The following FBXO16 variants were observed in gnomAD, a reference collection of about 807,000 sequenced individuals.
The protein encoded by FBXO16 is F-box only protein 16.
In FBXO16, 31 loss-of-function variants were observed where a neutral mutation model predicts 41.0. That is an observed-to-expected ratio of 0.76 (90% CI 0.57 to 1.02). The LOEUF is 1.02. FBXO16 is among the 50% of genes least tolerant of loss of function. The pLI is 0.00. For missense variants in FBXO16, 361 were observed against 346.2 expected (o/e 1.04, Z -0.34); for synonymous variants, 133 against 117.8 (o/e 1.13, Z -0.84).
chr8:28,435,294 C>G (rs2130080867), intron 7 of FBXO16, among the ~76,000 whole-genome samples: 1 of 152,142 alleles, frequency 6.6e-6, no homozygotes, highest in African/African-American at 2.4e-5. Context: ...CCTCAGCCTC[C>G]CGAGTAGCTG....
intron 7 of FBXO16, among the ~76,000 whole-genome samples, chr8:28,430,691 G>C (rs1419475626): frequency 1.3e-5 from 2 of 152,114 alleles, no homozygotes; most frequent in Non-Finnish European, 1.5e-5. Flanking sequence ...CTGTTGAATG[G>C]CCAGGCGCAG....
intron 2 of FBXO16, among the ~76,000 whole-genome samples, chr8:28,478,492 T>G (rs139563317): frequency 2.2e-4 from 33 of 152,144 alleles, no homozygotes; most frequent in South Asian, 1.2e-3. Flanking sequence ...AGACAAATGT[T>G]GGGGTTTGGA....
chr8:28,459,167 T>C (rs911434539), intron 4 of FBXO16, among the ~76,000 whole-genome samples: 1 of 152,210 alleles, frequency 6.6e-6, no homozygotes, highest in Admixed American at 6.5e-5. Flanking sequence ...AGATGACCAT[T>C]ATTGACAACC....
At chr8:28,471,591 G>T (rs1306199043) in intron 3 of FBXO16, among the ~76,000 whole-genome samples, 1 of 151,864 alleles carries the variant, frequency 6.6e-6, no homozygotes, top group Non-Finnish European at 1.5e-5. Flanking sequence ...CAATTCATTG[G>T]GTTTTTGCAG....
chr8:28,478,445 C>A (rs925814460), intron 2 of FBXO16, among the ~76,000 whole-genome samples: 3 of 152,096 alleles, frequency 2.0e-5, no homozygotes, highest in African/African-American at 4.8e-5. Flanking sequence ...GTATAAAAAC[C>A]AGACCCTCTC....
intron 2 of FBXO16, among the ~76,000 whole-genome samples, chr8:28,474,595 T>C (rs775215352): frequency 9.2e-5 from 14 of 152,170 alleles, no homozygotes; most frequent in Non-Finnish European, 1.5e-4. Context: ...TTTCAGTGTA[T>C]ACACATATCA....
At chr8:28,478,576 C>T (rs1803458626) in intron 2 of FBXO16, among the ~76,000 whole-genome samples, 1 of 152,146 alleles carries the variant, frequency 6.6e-6, no homozygotes, top group Non-Finnish European at 1.5e-5. Context: ...TATAATCCAG[C>T]ACTTTGGGAG....
chr8:28,453,745 G>A lies in FBXO16; in HGVS notation c.508-1269C>T, dbSNP rs116776671. On this transcript the variant is annotated intron_variant, in intron 5 of 8. Coordinates refer to ENST00000380254, the MANE Select transcript of FBXO16 (RefSeq NM_172366.4). ...GTATACAATTCTATTACAGGATAACGCTTAGTACTCAGTGTTGTAATTATT... is the reference window on the plus strand; with the variant it reads ...GTATACAATTCTATTACAGGATAACACTTAGTACTCAGTGTTGTAATTATT... Among the ~76,000 whole-genome samples the A allele has an allele frequency of 9.7e-3, 1,472 of 151,950 alleles. 58 individuals are homozygous for A. Among genetic ancestry groups the A allele is most frequent in the African/African-American group, 0.033 (1,374 of 41,240 alleles).
chr8:28,436,594 A>G (rs1168023666), intron 7 of FBXO16, among the ~76,000 whole-genome samples: 1 of 152,208 alleles, frequency 6.6e-6, no homozygotes, highest in Non-Finnish European at 1.5e-5. Context: ...TGAAATAGGT[A>G]GGGATGGTGC....
At chr8:28,446,992 TTAAA>T (rs1339280643) in intron 7 of FBXO16, 175 bp downstream of exon 7, 25 of 549,544 alleles carry the variant, frequency 4.5e-5, no homozygotes, top group Non-Finnish European at 7.3e-5. Context: ...CTCAGAGAGA[TTAAA>T]TAAAGTGTAT....
Position 28,452,331 on chromosome 8 carries a change from G to A in FBXO16, c.653C>T (p.Pro218Leu), listed in dbSNP as rs1179027749. 2 of 1,614,176 alleles carry A rather than the reference G, an allele frequency of 1.2e-6. No individual in the cohort carries two copies. The highest frequency in any genetic ancestry group is 2.2e-5 in the South Asian group (2 of 91,078). The change falls in exon 6 of 9, where the codon CCC becomes CTC. Residue 218 changes from proline to leucine, a missense_variant. Pro to Leu is a moderately conservative substitution (Grantham distance 98, BLOSUM62 -3). Coordinates refer to ENST00000380254, the MANE Select transcript of FBXO16 (RefSeq NM_172366.4). ...KNNSGEKALPPWRSSDKHPTD... is the reference protein window; with the variant it reads ...KNNSGEKALPLWRSSDKHPTD... ...TGGGTGCTTATCAGAAGATCGCCAG[G>A]GTGGAAGTGCTTTCTCCCCTGAGTT... is the stretch of plus-strand genomic sequence containing the variant.
intron 3 of FBXO16, among the ~76,000 whole-genome samples, chr8:28,469,133 A>G (rs1563367411): frequency 6.6e-6 from 1 of 151,454 alleles, no homozygotes; most frequent in Non-Finnish European, 1.5e-5. Context: ...ACATGGAGAA[A>G]CCCCATCTCT....
intron 7 of FBXO16, among the ~76,000 whole-genome samples, chr8:28,442,692 A>G (rs901099120): frequency 6.6e-6 from 1 of 151,998 alleles, no homozygotes; most frequent in South Asian, 2.1e-4. Flanking sequence ...CCCATCTTTC[A>G]TCAATCATTC....
At chr8:28,452,932 G>GAAAT (rs1563362482) in intron 5 of FBXO16, among the ~76,000 whole-genome samples, 14 of 151,224 alleles carry the variant, frequency 9.3e-5, no homozygotes, top group African/African-American at 3.4e-4. Context: ...AGAAAAAAAG[G>GAAAT]AATATCATCA....
At position 28,452,303 on chromosome 8, in the gene FBXO16, T is replaced by C; in HGVS notation, c.681A>G (p.Thr227=). 6.2e-7 allele frequency: 1 copy of C among 1,614,176 alleles called. No homozygotes were observed. The highest frequency in any genetic ancestry group is 8.5e-7 in the Non-Finnish European group (1 of 1,180,024). ...CTAGGTAATTAAAACGAATGATATC[T>C]GTTGGGTGCTTATCAGAAGATCGCC... ...PPWRSSDKHP[T]DIIRFNYLDN... The change falls in exon 6 of 9, where the codon ACA becomes ACG. Residue 227 remains threonine (T), a synonymous_variant. Transcript: ENST00000380254.
At chr8:28,466,368 G>A (rs542932069) in intron 3 of FBXO16, among the ~76,000 whole-genome samples, 181 of 152,226 alleles carry the variant, frequency 1.2e-3, no homozygotes, top group Non-Finnish European at 1.7e-3. Context: ...TGGGGAGGAG[G>A]AGGACCCTAA....
chr8:28,474,352 A>AAAAAAAG (rs1563368937), intron 2 of FBXO16, among the ~76,000 whole-genome samples: 3 of 127,918 alleles, frequency 2.3e-5, no homozygotes, highest in Non-Finnish European at 4.8e-5. Flanking sequence ...AAAAAAAAAA[A>AAAAAAAG]AGAGAGAGAA....
chr8:28,469,442 C>T (rs1417662140), intron 3 of FBXO16, among the ~76,000 whole-genome samples: 5 of 152,158 alleles, frequency 3.3e-5, no homozygotes, highest in Non-Finnish European at 1.5e-5. Flanking sequence ...AGTAATTCTC[C>T]TGCTTTAGTC....
intron 6 of FBXO16, chr8:28,448,870 G>A (rs1401793118): frequency 6.6e-6 from 1 of 152,156 alleles, no homozygotes; most frequent in Non-Finnish European, 1.5e-5. Context: ...ACTATATTCA[G>A]GCTACAATGG....
Sources: gnomAD v4.1 joint callset for allele counts (sites outside exome capture counted in the v4.1 genomes callset) on GRCh38, gnomAD v4.1.1 for gene constraint, MANE v1.5 for transcripts, NCBI Gene and HGNC (gene_info 2026-07-23, HGNC 2026-07-21) for gene names.